Variants in DNAH11 observed in about 807,000 individuals in gnomAD.
DNAH11 encodes the protein axonemal beta dynein heavy chain 11.
In DNAH11, 442 loss-of-function variants were observed where a neutral mutation model predicts 526.0. The ratio of observed to expected loss-of-function variants is 0.84; its 90% confidence interval spans 0.78 to 0.91. The LOEUF is 0.91. Among genes scored for constraint, DNAH11 ranks in the 40% least tolerant of loss-of-function variants. DNAH11 has a pLI of 0.00. For synonymous variants in DNAH11, 2,461 were observed against 1,935.9 expected, an observed-to-expected ratio of 1.27 and a Z score of -7.12; for missense variants, 6,989 against 5,448.7, an observed-to-expected ratio of 1.28 and a Z score of -8.90.
chr7:21,704,971 C>A (rs6955998), intron 38 of DNAH11, among the ~76,000 whole-genome samples: 6,361 of 152,094 alleles, frequency 0.042, 443 homozygotes, highest in African/African-American at 0.14. Context: ...TCATTAGTGC[C>A]TGCTTTTAAT....
intron 73 of DNAH11, among the ~76,000 whole-genome samples, chr7:21,869,514 C>G (rs985313803): frequency 1.2e-4 from 18 of 152,002 alleles, no homozygotes; most frequent in African/African-American, 4.1e-4. Context: ...AAAGTCTCAG[C>G]AAAGTGAGAG....
Position 21,615,251 on chromosome 7 carries a change from G to T in DNAH11, c.3990G>T (p.Trp1330Cys). ...RKEIKLLKGLWDVIIYVRRSI... is the reference protein window; with the variant it reads ...RKEIKLLKGLCDVIIYVRRSI... ...AAATAAAATTGCTCAAGGGACTGTG[G>T]GATGTCATTATTTATGTTCGAGTAA... The change falls in exon 21 of 82, where the codon TGG becomes TGT. Residue 1330 changes from tryptophan (W) to cysteine (C), a missense_variant. By Grantham distance (215) the Trp-to-Cys change is radical. Transcript: ENST00000409508. 6.2e-7 allele frequency: 1 copy of T among 1,612,414 alleles called. No homozygotes were observed. The highest frequency in any genetic ancestry group is 8.5e-7 in the Non-Finnish European group (1 of 1,179,152).
At position 21,630,036 on chromosome 7, in the gene DNAH11, A is replaced by T. The variant is rs541847618; in HGVS notation, c.4501-5835A>T. 2.0e-5 allele frequency among the ~76,000 whole-genome samples: 3 copies of T among 151,980 alleles called. No individual in the cohort carries two copies. The East Asian group carries it at 5.8e-4, about 29-fold the overall frequency. Reference sequence around the variant, plus strand: ...TTATTGTTAAGTGATTTTCTCTGTTAATATGTTTTAATTCAATGCTTTTTA... The same window carrying T: ...TTATTGTTAAGTGATTTTCTCTGTTTATATGTTTTAATTCAATGCTTTTTA... On this transcript the variant is annotated intron_variant, in intron 25 of 81. Transcript: ENST00000409508.
At chr7:21,815,205 A>G (rs1326970157) in intron 63 of DNAH11, among the ~76,000 whole-genome samples, 2 of 143,600 alleles carry the variant, frequency 1.4e-5, no homozygotes, top group African/African-American at 4.9e-5. Context: ...TTCAGAAATC[A>G]AAGTTACAGC....
At chr7:21,864,400 G>C in intron 69 of DNAH11, 135 bp from the exon 70 acceptor site, 3 of 663,438 alleles carry the variant, frequency 4.5e-6, no homozygotes, top group Non-Finnish European at 7.1e-6. Flanking sequence ...TTCAACAGTA[G>C]AACAGATGTC....
chr7:21,600,678 T>G lies in DNAH11; in HGVS notation c.3003T>G (p.Asn1001Lys). The G allele has an allele frequency of 1.2e-6, 2 of 1,601,692 alleles. No individual in the cohort carries two copies. Among genetic ancestry groups the G allele is most frequent in the Middle Eastern group, 3.4e-4 (2 of 5,970 alleles). Residue 1001 changes from asparagine to lysine, a missense_variant and splice_region_variant, in exon 16 of 82, where the codon AAT (asparagine) becomes AAG (lysine). Coordinates refer to ENST00000409508, the MANE Select transcript of DNAH11 (RefSeq NM_001277115.2). Reference protein sequence around the residue: ...ATHLEIKNYQNDMDNMLGLAE... With the variant: ...ATHLEIKNYQKDMDNMLGLAE... ...TGCTGTGTTTTCCTCTCATTTAGAATGATATGGATAACATGTTAGGCCTGG... is the reference window on the plus strand; with the variant it reads ...TGCTGTGTTTTCCTCTCATTTAGAAGGATATGGATAACATGTTAGGCCTGG...
At chr7:21,625,250 G>A (rs192714930) in intron 25 of DNAH11, among the ~76,000 whole-genome samples, 1 of 152,078 alleles carries the variant, frequency 6.6e-6, no homozygotes, top group Non-Finnish European at 1.5e-5. Context: ...TCTTGATTCA[G>A]TCTTGGTAGG....
chr7:21,611,879 A>G (rs1186066322), intron 20 of DNAH11, among the ~76,000 whole-genome samples: 1 of 152,238 alleles, frequency 6.6e-6, no homozygotes, highest in Non-Finnish European at 1.5e-5. Flanking sequence ...CTAGTTATTT[A>G]TAGTGAACCA....
intron 32 of DNAH11, among the ~76,000 whole-genome samples, chr7:21,686,053 T>C (rs576645415): frequency 6.6e-6 from 1 of 152,344 alleles, no homozygotes; most frequent in Non-Finnish European, 1.5e-5. Flanking sequence ...ATTCCTAGTC[T>C]GGGAGCCTTT....
At chr7:21,729,443 C>T (rs1205554614) in intron 45 of DNAH11, among the ~76,000 whole-genome samples, 7 of 152,344 alleles carry the variant, frequency 4.6e-5, no homozygotes, top group Non-Finnish European at 1.0e-4. Flanking sequence ...TATGGACAAG[C>T]TGAGAATTTC....
intron 2 of DNAH11, among the ~76,000 whole-genome samples, chr7:21,557,557 T>C (rs1337290925): frequency 6.6e-6 from 1 of 152,120 alleles, no homozygotes. Flanking sequence ...ATCCCATTCA[T>C]GAGGACTCAG....
chr7:21,773,470 G>A (rs977620562), intron 55 of DNAH11, among the ~76,000 whole-genome samples: 2 of 151,564 alleles, frequency 1.3e-5, no homozygotes, highest in Non-Finnish European at 2.9e-5. Context: ...TCACACACTC[G>A]GTAGATAAAA....
At position 21,817,343 on chromosome 7, in the gene DNAH11, T is replaced by A. The variant is rs201072953; in HGVS notation, c.10568+641T>A. Among the ~76,000 whole-genome samples the A allele has an allele frequency of 1.7e-4, 26 of 152,146 alleles. 1 individual carries two copies. The East Asian group carries it at 3.9e-3, about 23-fold the overall frequency. ...TCACTTGACCCTTCCATCCTCTTTT[T>A]ATATGTAGAGTGAAATAAGAAATTT... On this transcript the variant is annotated intron_variant, in intron 64 of 81. Transcript: ENST00000409508.
intron 66 of DNAH11, among the ~76,000 whole-genome samples, chr7:21,847,973 G>C (rs961903453): frequency 1.1e-4 from 17 of 151,998 alleles, no homozygotes; most frequent in Non-Finnish European, 2.1e-4. Flanking sequence ...ATACCATCCT[G>C]GCTAACATGG....
intron 2 of DNAH11, among the ~76,000 whole-genome samples, chr7:21,552,422 G>T (rs139435220): frequency 2.6e-5 from 4 of 152,070 alleles, no homozygotes; most frequent in Non-Finnish European, 5.9e-5. Context: ...TATTCTTTCC[G>T]GGTTTATTCT....
chr7:21,558,199 A>G (rs556152965), intron 2 of DNAH11, among the ~76,000 whole-genome samples: 77 of 152,318 alleles, frequency 5.1e-4, no homozygotes, highest in African/African-American at 1.8e-3. Context: ...GCAAGAAGAG[A>G]CCAACTTCAT....
chr7:21,558,798 C>T lies in DNAH11; in HGVS notation c.496-4C>T. The T allele has an allele frequency of 1.3e-6, 2 of 1,565,916 alleles. No homozygotes were observed. The highest frequency in any genetic ancestry group is 1.7e-6 in the Non-Finnish European group (2 of 1,161,406). On this transcript the variant is annotated splice_polypyrimidine_tract_variant and splice_region_variant and intron_variant, in intron 2 of 81. Transcript: ENST00000409508. ...TTAATTTAACTATGTTTCTCTTTCT[C>T]TAGATTTTAGTGCCAGTTCTTTCTA...
chr7:21,593,571 A>T (rs1472519332), intron 14 of DNAH11, among the ~76,000 whole-genome samples: 6 of 72,786 alleles, frequency 8.2e-5, no homozygotes, highest in Non-Finnish European at 2.1e-4. Flanking sequence ...CCATTGAGGG[A>T]AATGGGATTT....
chr7:21,660,524 T>C (rs2128466375), intron 30 of DNAH11, among the ~76,000 whole-genome samples: 1 of 152,004 alleles, frequency 6.6e-6, no homozygotes, highest in East Asian at 1.9e-4. Flanking sequence ...TATTTCTTTG[T>C]TATTTTTTGC....
Sources: gnomAD v4.1 joint callset for allele counts (sites outside exome capture counted in the v4.1 genomes callset) on GRCh38, gnomAD v4.1.1 for gene constraint, MANE v1.5 for transcripts, NCBI Gene and HGNC (gene_info 2026-07-23, HGNC 2026-07-21) for gene names.